The following ARHGEF28 variants were observed in gnomAD, a reference collection of about 807,000 sequenced individuals.
ARHGEF28 encodes the protein Rho guanine nucleotide exchange factor 28, also known as 190 kDa guanine nucleotide exchange factor.
A neutral mutation model predicts 206.6 loss-of-function variants in ARHGEF28; 152 were observed. The ratio of observed to expected loss-of-function variants is 0.74; its 90% CI spans 0.64 to 0.84. ARHGEF28 has a LOEUF of 0.84. Among genes scored for constraint, ARHGEF28 ranks in the 40% least tolerant of loss-of-function variants. The probability of loss-of-function intolerance (pLI) is 0.00; values close to 1 mark genes in which losing one functional copy is unlikely to be tolerated. For missense variants in ARHGEF28, 2,028 were observed against 2,073.2 expected, an observed-to-expected ratio of 0.98 and a Z score of 0.42; for synonymous variants, 763 against 776.4, an observed-to-expected ratio of 0.98 and a Z score of 0.29.
At chr5:73,924,259 A>G (rs1176215698) in intron 35 of ARHGEF28, among the ~76,000 whole-genome samples, 1 of 152,186 alleles carries the variant, frequency 6.6e-6, no homozygotes, top group Non-Finnish European at 1.5e-5. Flanking sequence ...AACAATGGAG[A>G]TGACAGGCTG....
chr5:73,664,852 G>A (rs1745847936), intron 1 of ARHGEF28, among the ~76,000 whole-genome samples: 1 of 152,096 alleles, frequency 6.6e-6, no homozygotes, highest in Non-Finnish European at 1.5e-5. Context: ...ACCCTTCCTA[G>A]ACACAAGTCA....
chr5:73,869,996 T>C, intron 20 of ARHGEF28, 73 bp from the exon 21 acceptor site: 3 of 1,519,334 alleles, frequency 2.0e-6, no homozygotes, highest in Non-Finnish European at 2.7e-6. Context: ...GAGGAATCCA[T>C]AGACAAATAT....
chr5:73,808,208 G>A (rs1265114426), intron 9 of ARHGEF28, among the ~76,000 whole-genome samples: 1 of 152,008 alleles, frequency 6.6e-6, no homozygotes, highest in Non-Finnish European at 1.5e-5. Flanking sequence ...TCTATTTTAT[G>A]TGAATTCAAT....
chr5:73,714,746 G>A (rs140154927), intron 2 of ARHGEF28, among the ~76,000 whole-genome samples: 14 of 152,216 alleles, frequency 9.2e-5, no homozygotes, highest in African/African-American at 3.4e-4. Context: ...GTACACCTGT[G>A]TCACCATCAC....
chr5:73,853,979 C>T (rs941049765), intron 14 of ARHGEF28, among the ~76,000 whole-genome samples: 2 of 152,192 alleles, frequency 1.3e-5, no homozygotes, highest in African/African-American at 4.8e-5. Context: ...ACTTTGATGG[C>T]ATCTTTATGA....
chr5:73,684,533 CATAGGTATAAAA>C (rs1747320167), intron 1 of ARHGEF28, among the ~76,000 whole-genome samples: 1 of 152,166 alleles, frequency 6.6e-6, no homozygotes, highest in Non-Finnish European at 1.5e-5. Context: ...CTGCTATGAA[CATAGGTATAAAA>C]ATTTCTGTTT....
chr5:73,941,935 A>G lies in ARHGEF28; in HGVS notation c.*922A>G, dbSNP rs1338409146. 3 of 152,162 alleles carry G rather than the reference A, an allele frequency of 2.0e-5. No individual in the cohort carries two copies. Among genetic ancestry groups the G allele is most frequent in the Non-Finnish European group, 4.4e-5 (3 of 68,030 alleles). The allele number at this position is 152,162 out of a possible 1,614,324, so 9.4% of individuals were successfully genotyped here. ...GTGTGAGAAACCAGGAGATATTTTC[A>G]TCTTGTTCGGAAATACTTGTATGTA... On this transcript the variant is annotated 3_prime_UTR_variant, in exon 36 of 36. Coordinates refer to ENST00000513042, the MANE Select transcript of ARHGEF28 (RefSeq NM_001177693.2).
At chr5:73,651,074 G>A (rs950775225) in intron 1 of ARHGEF28, among the ~76,000 whole-genome samples, 2 of 152,178 alleles carry the variant, frequency 1.3e-5, no homozygotes, top group Non-Finnish European at 2.9e-5. Flanking sequence ...TTAGAATGGG[G>A]GCTTGAACTG....
chr5:73,633,516 A>G (rs559654688), intron 1 of ARHGEF28, among the ~76,000 whole-genome samples: 8 of 152,012 alleles, frequency 5.3e-5, no homozygotes, highest in Non-Finnish European at 7.4e-5. Context: ...TAGTCTATAT[A>G]AAGTGTTTAG....
chr5:73,895,755 C>G (rs1191724378), intron 29 of ARHGEF28, among the ~76,000 whole-genome samples: 1 of 152,186 alleles, frequency 6.6e-6, no homozygotes, highest in East Asian at 1.9e-4. Flanking sequence ...CCTACAGTGG[C>G]AGAGATGAGC....
chr5:73,675,690 A>T (rs369968285), intron 1 of ARHGEF28, among the ~76,000 whole-genome samples: 1 of 142,702 alleles, frequency 7.0e-6, no homozygotes, highest in Non-Finnish European at 1.5e-5. Context: ...CCAAGATCGC[A>T]CCACTGCACT....
At chr5:73,736,193 T>C (rs1387039631) in intron 2 of ARHGEF28, among the ~76,000 whole-genome samples, 1 of 152,236 alleles carries the variant, frequency 6.6e-6, no homozygotes, top group Non-Finnish European at 1.5e-5. Flanking sequence ...TGGATACTCA[T>C]GTGTAACTTC....
chr5:73,638,801 G>A (rs1352042145), intron 1 of ARHGEF28, among the ~76,000 whole-genome samples: 6 of 152,128 alleles, frequency 3.9e-5, no homozygotes, highest in African/African-American at 9.7e-5. Context: ...ACCACCTCAT[G>A]TGTTGTTTTG....
chr5:73,737,497 CTT>C (rs1175193642), intron 2 of ARHGEF28, among the ~76,000 whole-genome samples: 1 of 100,784 alleles, frequency 9.9e-6, no homozygotes, highest in Non-Finnish European at 2.0e-5. Context: ...CTTTTCTTTT[CTT>C]TTCTTTTCTT....
intron 35 of ARHGEF28, among the ~76,000 whole-genome samples, chr5:73,930,497 G>A (rs1764049779): frequency 6.6e-6 from 1 of 152,172 alleles, no homozygotes. Flanking sequence ...TTTTGGGATA[G>A]CTTTAATAGA....
chr5:73,643,167 T>C (rs1275892885), intron 1 of ARHGEF28, among the ~76,000 whole-genome samples: 1 of 152,228 alleles, frequency 6.6e-6, no homozygotes, highest in Non-Finnish European at 1.5e-5. Context: ...AACACGGTGA[T>C]GTTAAAGACC....
At chr5:73,657,264 G>A (rs1395621992) in intron 1 of ARHGEF28, among the ~76,000 whole-genome samples, 1 of 150,520 alleles carries the variant, frequency 6.6e-6, no homozygotes, top group African/African-American at 2.4e-5. Flanking sequence ...ACCTTCTCTA[G>A]CTCTGTGCTA....
At chr5:73,643,716 G>C (rs1744257883) in intron 1 of ARHGEF28, among the ~76,000 whole-genome samples, 1 of 151,474 alleles carries the variant, frequency 6.6e-6, no homozygotes, top group Non-Finnish European at 1.5e-5. Flanking sequence ...TCAGGAGGCT[G>C]AGATGTGAGG....
At chr5:73,801,251 C>G (rs1271967473) in intron 9 of ARHGEF28, among the ~76,000 whole-genome samples, 1 of 151,970 alleles carries the variant, frequency 6.6e-6, no homozygotes, top group African/African-American at 2.4e-5. Context: ...TCGAGACCAT[C>G]CTGGCTAACA....
Sources: allele counts gnomAD v4.1 joint callset (sites outside exome capture counted in the v4.1 genomes callset), GRCh38; gene constraint gnomAD v4.1.1; transcripts MANE v1.5; gene names NCBI Gene and HGNC (gene_info 2026-07-23, HGNC 2026-07-21).